MED13L: variants seen among roughly 807,000 people sequenced by gnomAD.
MED13L encodes mediator of RNA polymerase II transcription subunit 13-like.
Under a neutral mutation model 220.9 loss-of-function variants are expected in MED13L, and 7 were observed. The observed-to-expected ratio is 0.03, with a 90% CI of 0.02 to 0.06. The LOEUF (loss-of-function observed/expected upper bound fraction) is 0.06. MED13L is among the 10% of genes least tolerant of loss of function. The pLI is 1.00. For synonymous variants in MED13L, 1,011 were observed against 1,015.2 expected, an observed-to-expected ratio of 1.00 and a Z score of 0.08; for missense variants, 1,965 against 2,760.5, an observed-to-expected ratio of 0.71 and a Z score of 6.46.
chr12:115,987,928 T>C (rs1877808341), intron 17 of MED13L, among the ~76,000 whole-genome samples: 2 of 152,182 alleles, frequency 1.3e-5, no homozygotes, highest in Non-Finnish European at 2.9e-5. Context: ...ATTTCTAACC[T>C]AAAATTTGAA....
At chr12:116,064,890 C>G (rs1869796955) in intron 4 of MED13L, among the ~76,000 whole-genome samples, 3 of 152,154 alleles carry the variant, frequency 2.0e-5, no homozygotes, top group African/African-American at 7.2e-5. Context: ...GTTACATCCC[C>G]AGCATCTAGC....
At chr12:116,253,747 T>TTTTTCG (rs1871780279) in intron 1 of MED13L, among the ~76,000 whole-genome samples, 1 of 146,398 alleles carries the variant, frequency 6.8e-6, no homozygotes, top group African/African-American at 2.6e-5. Context: ...CTTCACGGTT[T>TTTTTCG]TTTTTGTTTT....
intron 2 of MED13L, among the ~76,000 whole-genome samples, chr12:116,207,413 T>C (rs1882407443): frequency 6.6e-6 from 1 of 152,214 alleles, no homozygotes; most frequent in Admixed American, 6.5e-5. Flanking sequence ...AAAGCCCAGA[T>C]GTATATAGTA....
At chr12:116,270,374 C>A (rs572457161) in intron 1 of MED13L, among the ~76,000 whole-genome samples, 3 of 152,190 alleles carry the variant, frequency 2.0e-5, no homozygotes, top group Admixed American at 6.5e-5. Flanking sequence ...AATCTCCTGA[C>A]CTCGTGATCC....
intron 16 of MED13L, among the ~76,000 whole-genome samples, 198 bp downstream of exon 16, chr12:115,996,278 G>A (rs1241962584): frequency 6.6e-6 from 1 of 152,000 alleles, no homozygotes; most frequent in Non-Finnish European, 1.5e-5. Flanking sequence ...TTTTAGTAGA[G>A]ACGGGGTTTC....
intron 2 of MED13L, among the ~76,000 whole-genome samples, chr12:116,198,572 G>A (rs17498746): frequency 6.6e-6 from 1 of 152,060 alleles, no homozygotes; most frequent in Admixed American, 6.5e-5. Flanking sequence ...CTCCACTCAT[G>A]GGGTCAAAGG....
chr12:116,161,177 G>A (rs1211336330), intron 2 of MED13L, among the ~76,000 whole-genome samples: 4 of 151,990 alleles, frequency 2.6e-5, no homozygotes, highest in Non-Finnish European at 5.9e-5. Flanking sequence ...CGTCATGACC[G>A]AATCACCTAA....
At chr12:116,079,453 T>C (rs56174185) in intron 4 of MED13L, among the ~76,000 whole-genome samples, 25,548 of 152,134 alleles carry the variant, frequency 0.17, 2,422 homozygotes, top group Middle Eastern at 0.25. Context: ...CTCGAACTCC[T>C]AGGCTCAAGG....
At chr12:116,194,629 A>C (rs1881503022) in intron 2 of MED13L, among the ~76,000 whole-genome samples, 1 of 152,256 alleles carries the variant, frequency 6.6e-6, no homozygotes, top group South Asian at 2.1e-4. Flanking sequence ...CTTTGGCTGA[A>C]CTGCATAAAG....
chr12:116,015,247 G>C lies in MED13L; in HGVS notation c.1037C>G (p.Ala346Gly). The C allele has an allele frequency of 6.2e-7, 1 of 1,613,814 alleles. No homozygotes were observed. The highest frequency in any genetic ancestry group is 8.5e-7 in the Non-Finnish European group (1 of 1,179,834). ...LGESGGMQSA[A>G]SHLVSQDGGM... ...TCCATCTTGGGAAACCAGGTGACTGGCAGCACTCTGCATACCTCCACTCTC... is the reference window on the plus strand; with the variant it reads ...TCCATCTTGGGAAACCAGGTGACTGCCAGCACTCTGCATACCTCCACTCTC... Residue 346 changes from alanine to glycine, a missense_variant, in exon 8 of 31, where the codon GCC becomes GGC. Physicochemically the swap from Ala to Gly is moderately conservative, Grantham distance 60. This residue lies in a region of MED13L where 818 missense variants were observed against 1,041.2 expected (regional missense o/e 0.79). Coordinates refer to ENST00000281928, the MANE Select transcript of MED13L (RefSeq NM_015335.5).
At position 116,102,702 on chromosome 12, in the gene MED13L, TC is replaced by T. The variant is rs1223809087; in HGVS notation, c.396-5951del. Among the ~76,000 whole-genome samples, 334 of 88,600 alleles carry T rather than the reference TC, an allele frequency of 3.8e-3. 4 individuals are homozygous for T. Among genetic ancestry groups the T allele is most frequent in the Middle Eastern group, 6.8e-3 (1 of 148 alleles). The allele number at this position is 88,600 out of a possible 152,430, so 58.1% of individuals were successfully genotyped here. ...AATCCCTATATTTTCTTTTTCTTTT[TC>T]TTTTTTCTTTTTTTTTTTTTTTTTT... On this transcript the variant is annotated intron_variant, in intron 3 of 30. Coordinates refer to ENST00000281928, the MANE Select transcript of MED13L (RefSeq NM_015335.5).
intron 2 of MED13L, among the ~76,000 whole-genome samples, chr12:116,217,189 C>A (rs1883051599): frequency 6.6e-6 from 1 of 152,130 alleles, no homozygotes; most frequent in African/African-American, 2.4e-5. Context: ...TGAGCATGAC[C>A]AAGAGGGTGC....
At chr12:116,272,138 G>T (rs1323359418) in intron 1 of MED13L, among the ~76,000 whole-genome samples, 2 of 152,042 alleles carry the variant, frequency 1.3e-5, no homozygotes, top group Non-Finnish European at 2.9e-5. Flanking sequence ...TTTTCATTGA[G>T]ATGAGTTTCA....
chr12:116,014,996 T>C, intron 8 of MED13L, 113 bp downstream of exon 8: 3 of 990,290 alleles, frequency 3.0e-6, no homozygotes, highest in Non-Finnish European at 4.8e-6. Flanking sequence ...GAAATACCAA[T>C]GATGACCTCT....
chr12:116,201,924 T>C (rs1452789524), intron 2 of MED13L, among the ~76,000 whole-genome samples: 1 of 152,216 alleles, frequency 6.6e-6, no homozygotes, highest in Non-Finnish European at 1.5e-5. Flanking sequence ...TGAAAGTCTT[T>C]TTATGGCATT....
intron 2 of MED13L, among the ~76,000 whole-genome samples, chr12:116,156,427 T>C (rs1303811305): frequency 6.8e-6 from 1 of 147,100 alleles, no homozygotes; most frequent in East Asian, 1.9e-4. Context: ...AAAAAAACTT[T>C]TATAGTCCAA....
chr12:116,160,234 G>A lies in MED13L; in HGVS notation c.311-48722C>T, dbSNP rs1167457960. Among the ~76,000 whole-genome samples the A allele has an allele frequency of 6.6e-5, 10 of 152,064 alleles. No homozygotes were observed. The East Asian group carries it at 7.7e-4, about 12-fold the overall frequency. On this transcript the variant is annotated intron_variant, in intron 2 of 30. Transcript: ENST00000281928. ...AAAGGAATTTAAAGTCCCAAATAAC[G>A]TTCAATTAACTGATAGTTTAAAAAT...
At chr12:116,150,780 T>G (rs1593103803) in intron 2 of MED13L, among the ~76,000 whole-genome samples, 1 of 152,214 alleles carries the variant, frequency 6.6e-6, no homozygotes, top group Admixed American at 6.5e-5. Flanking sequence ...AGATACAAGC[T>G]TTGAAAGTAG....
At chr12:116,133,935 A>C (rs1334904500) in intron 2 of MED13L, among the ~76,000 whole-genome samples, 2 of 152,150 alleles carry the variant, frequency 1.3e-5, no homozygotes, top group Non-Finnish European at 2.9e-5. Flanking sequence ...CAGCTATGTG[A>C]ATAAAAACAC....
Sources: gnomAD v4.1 joint callset for allele counts (sites outside exome capture counted in the v4.1 genomes callset) on GRCh38, gnomAD v4.1.1 for gene constraint, gnomAD v4.1.1 regional missense constraint, MANE v1.5 for transcripts, NCBI Gene and HGNC (gene_info 2026-07-23, HGNC 2026-07-21) for gene names.